TBCK: variants seen among roughly 807,000 people sequenced by gnomAD.
TBCK encodes TBC domain-containing protein kinase-like protein.
A neutral mutation model predicts 113.4 loss-of-function variants in TBCK; 99 were observed. The observed-to-expected ratio is 0.87, with a 90% CI of 0.74 to 1.03. The LOEUF (loss-of-function observed/expected upper bound fraction) is 1.03. Among genes scored for constraint, TBCK ranks in the 50% least tolerant of loss-of-function variants. The pLI is 0.00. For missense variants in TBCK, 1,045 were observed against 1,061.3 expected (o/e 0.98, Z 0.21); for synonymous variants, 369 against 370.8 (o/e 1.00, Z 0.05).
intron 23 of TBCK, among the ~76,000 whole-genome samples, chr4:106,143,566 T>G (rs1399051128): frequency 6.6e-6 from 1 of 152,158 alleles, no homozygotes; most frequent in Non-Finnish European, 1.5e-5. Context: ...AAATTTGATT[T>G]TTAAAATCAG....
chr4:106,141,377 T>C (rs1452103046), intron 23 of TBCK, among the ~76,000 whole-genome samples: 1 of 140,064 alleles, frequency 7.1e-6, no homozygotes, highest in Non-Finnish European at 1.6e-5. Context: ...CAGCAGTATA[T>C]ATAAATATTC....
rs1753900205 is a variant in TBCK at position 106,193,651 on chromosome 4, T to A, written c.2017A>T (p.Asn673Tyr). The change falls in exon 22 of 26, where the codon AAT (asparagine) becomes TAT (tyrosine). Residue 673 changes from asparagine to tyrosine, a missense_variant. By Grantham distance (143) the Asn-to-Tyr change is moderately radical (BLOSUM62 -2). Coordinates refer to ENST00000394708, the MANE Select transcript of TBCK (RefSeq NM_001163435.3). ...AGAAGAATACACTCATTAAAGCCAT[T>A]AGCCAAAAGCCGGTCCCGCAGCTGC... The part of the protein sequence containing the change: ...LQQLRDRLLA[N>Y]GFNECILLFS... 2 of 1,613,502 alleles carry A rather than the reference T, an allele frequency of 1.2e-6. No individual in the cohort carries two copies. The highest frequency in any genetic ancestry group is 2.2e-5 in the South Asian group (2 of 91,066).
chr4:106,089,649 T>A (rs1347647238), intron 25 of TBCK, among the ~76,000 whole-genome samples: 3 of 152,216 alleles, frequency 2.0e-5, no homozygotes, highest in Non-Finnish European at 2.9e-5. Context: ...TATACAATGG[T>A]GCTACAGATA....
intron 12 of TBCK, among the ~76,000 whole-genome samples, chr4:106,240,682 T>C (rs901091086): frequency 3.3e-5 from 5 of 152,052 alleles, no homozygotes; most frequent in Admixed American, 1.3e-4. Flanking sequence ...TTAAGATCTA[T>C]ACATTTTACT....
chr4:106,269,949 C>T (rs1426566760), intron 3 of TBCK, among the ~76,000 whole-genome samples: 2 of 152,074 alleles, frequency 1.3e-5, no homozygotes, highest in Non-Finnish European at 2.9e-5. Context: ...ATTTGTTATG[C>T]TTAGACAGTG....
intron 2 of TBCK, among the ~76,000 whole-genome samples, chr4:106,299,299 C>T (rs1766665731): frequency 6.6e-6 from 1 of 152,206 alleles, no homozygotes; most frequent in South Asian, 2.1e-4. Flanking sequence ...TAGAAAATTA[C>T]ATGCCCACGT....
intron 12 of TBCK, among the ~76,000 whole-genome samples, chr4:106,241,704 C>T (rs1246931096): frequency 1.3e-5 from 2 of 151,470 alleles, no homozygotes; most frequent in Admixed American, 6.6e-5. Flanking sequence ...TGGATACCTT[C>T]CTTACAACTT....
At chr4:106,301,179 T>C (rs1766895200) in intron 2 of TBCK, among the ~76,000 whole-genome samples, 1 of 146,984 alleles carries the variant, frequency 6.8e-6, no homozygotes, top group Non-Finnish European at 1.5e-5. Context: ...TATAATTATA[T>C]ATATAATTTG....
intron 5 of TBCK, among the ~76,000 whole-genome samples, chr4:106,253,101 C>T (rs765323839): frequency 3.3e-5 from 5 of 152,048 alleles, no homozygotes; most frequent in Non-Finnish European, 7.4e-5. Flanking sequence ...TATCTCCACC[C>T]CTGTTCCTCC....
At chr4:106,219,479 A>C (rs1009428153) in intron 19 of TBCK, among the ~76,000 whole-genome samples, 1 of 152,050 alleles carries the variant, frequency 6.6e-6, no homozygotes, top group African/African-American at 2.4e-5. Flanking sequence ...GTAGGCAATT[A>C]AAAATATATT....
intron 23 of TBCK, among the ~76,000 whole-genome samples, chr4:106,166,968 A>G (rs1750439938): frequency 6.6e-6 from 1 of 150,722 alleles, no homozygotes; most frequent in African/African-American, 2.4e-5. Context: ...TTTTCATTAA[A>G]CTCGGGAACA....
At chr4:106,277,999 T>G (rs537431584) in intron 3 of TBCK, among the ~76,000 whole-genome samples, 4 of 152,304 alleles carry the variant, frequency 2.6e-5, no homozygotes, top group Non-Finnish European at 4.4e-5. Context: ...TACAATTAAA[T>G]GTTAAAATAG....
intron 11 of TBCK, among the ~76,000 whole-genome samples, chr4:106,243,607 AAAAGT>A (rs139733703): frequency 0.13 from 19,631 of 152,094 alleles, 1,578 homozygotes; most frequent in South Asian, 0.24. Context: ...CAAAAGTTTA[AAAAGT>A]AAAGAAAAAA....
At chr4:106,079,602 G>A (rs983708318) in intron 25 of TBCK, among the ~76,000 whole-genome samples, 1 of 152,148 alleles carries the variant, frequency 6.6e-6, no homozygotes, top group African/African-American at 2.4e-5. Context: ...ATCTAACTAA[G>A]AAGGTGAAAG....
chr4:106,088,895 A>G (rs2149504315), intron 25 of TBCK, among the ~76,000 whole-genome samples: 1 of 152,314 alleles, frequency 6.6e-6, no homozygotes, highest in African/African-American at 2.4e-5. Flanking sequence ...ACATGGACAC[A>G]GAGAGGGGAA....
In TBCK at chr4:106,095,542, G is replaced by C; in HGVS notation, c.2511C>G (p.Leu837=). 6.2e-7 allele frequency: 1 copy of C among 1,614,072 alleles called. No homozygotes were observed. The highest frequency in any genetic ancestry group is 1.1e-5 in the South Asian group (1 of 91,068). The change falls in exon 25 of 26, where the codon CTC becomes CTG. Residue 837 remains leucine (L), a synonymous_variant. Transcript: ENST00000394708. ...ELTQGPYTAM[L]QNFKGKVIVI... ...CAATGACCTTCCCTTTGAAGTTCTG[G>C]AGCATAGCAGTGTAAGGGCCCTGGG... is the stretch of plus-strand genomic sequence containing the variant.
intron 25 of TBCK, among the ~76,000 whole-genome samples, chr4:106,071,197 C>T (rs1049978072): frequency 2.0e-5 from 3 of 152,118 alleles, no homozygotes; most frequent in African/African-American, 2.4e-5. Context: ...GTTAGGGTGT[C>T]GATTTTAGAT....
intron 11 of TBCK, 52 bp from the exon 12 acceptor site, chr4:106,242,621 T>G (rs960674733): frequency 1.5e-6 from 2 of 1,322,618 alleles, no homozygotes; most frequent in Non-Finnish European, 2.1e-6. Context: ...GTTTATTGTT[T>G]CTTCTAGAAA....
At chr4:106,131,727 G>A (rs1033440150) in intron 23 of TBCK, among the ~76,000 whole-genome samples, 2 of 152,206 alleles carry the variant, frequency 1.3e-5, no homozygotes, top group African/African-American at 4.8e-5. Context: ...ACAGAAGTTG[G>A]AACAGTTTGG....
Sources: gnomAD v4.1 joint callset for allele counts (sites outside exome capture counted in the v4.1 genomes callset) on GRCh38, gnomAD v4.1.1 for gene constraint, MANE v1.5 for transcripts, NCBI Gene and HGNC (gene_info 2026-07-23, HGNC 2026-07-21) for gene names.